Variants in NFAM1 observed in about 807,000 individuals in gnomAD.
NFAM1 encodes NFAT activation molecule 1.
A neutral mutation model predicts 29.0 loss-of-function variants in NFAM1; 17 were observed. The ratio of observed to expected loss-of-function variants is 0.59; its 90% CI spans 0.40 to 0.88. The LOEUF (loss-of-function observed/expected upper bound fraction) is 0.88, where lower values mean the gene tolerates loss of function less well. NFAM1 is among the 40% of genes least tolerant of loss of function. The probability of loss-of-function intolerance (pLI) is 0.00; values close to 1 mark genes in which losing one functional copy is unlikely to be tolerated. For missense variants in NFAM1, 324 were observed against 344.6 expected, an observed-to-expected ratio of 0.94 and a Z score of 0.47; for synonymous variants, 175 against 147.2, an observed-to-expected ratio of 1.19 and a Z score of -1.36.
intron 1 of NFAM1, among the ~76,000 whole-genome samples, chr22:42,427,300 G>T (rs911709680): frequency 2.0e-5 from 3 of 152,092 alleles, no homozygotes; most frequent in African/African-American, 4.8e-5. Context: ...TACACAGGGG[G>T]TCTCATTACC....
intron 1 of NFAM1, among the ~76,000 whole-genome samples, chr22:42,421,786 T>C (rs28405495): frequency 0.033 from 5,053 of 152,342 alleles, 97 homozygotes; most frequent in South Asian, 0.048. Context: ...CCACAGTCTT[T>C]ATTTTAGGCA....
chr22:42,390,185 G>A (rs1052442364), intron 4 of NFAM1, among the ~76,000 whole-genome samples: 1 of 152,114 alleles, frequency 6.6e-6, no homozygotes, highest in Admixed American at 6.5e-5. Context: ...GCTGCTGAAT[G>A]AGGACGCAGA....
intron 1 of NFAM1, among the ~76,000 whole-genome samples, chr22:42,418,849 C>T (rs1304326714): frequency 2.0e-5 from 3 of 152,280 alleles, no homozygotes; most frequent in Admixed American, 2.0e-4. Flanking sequence ...CTGTCCCGGG[C>T]GCTGGCCTGG....
At chr22:42,395,520 A>AT (rs1274003281) in intron 4 of NFAM1, among the ~76,000 whole-genome samples, 1 of 151,342 alleles carries the variant, frequency 6.6e-6, no homozygotes, top group African/African-American at 2.4e-5. Context: ...ATAAAATAAA[A>AT]TAATGAGGAT....
intron 4 of NFAM1, among the ~76,000 whole-genome samples, chr22:42,387,408 C>T (rs1245357306): frequency 6.6e-6 from 1 of 152,010 alleles, no homozygotes; most frequent in Non-Finnish European, 1.5e-5. Context: ...GCTGTCCCTG[C>T]CTGTCCCTAG....
chr22:42,405,357 G>C (rs1000398035), intron 3 of NFAM1, among the ~76,000 whole-genome samples: 4 of 152,298 alleles, frequency 2.6e-5, no homozygotes, highest in Non-Finnish European at 4.4e-5. Flanking sequence ...GTCCGCAGGC[G>C]GGGGGAGTCC....
intron 4 of NFAM1, among the ~76,000 whole-genome samples, chr22:42,396,735 G>T (rs746555805): frequency 1.3e-5 from 2 of 152,168 alleles, no homozygotes; most frequent in Non-Finnish European, 2.9e-5. Flanking sequence ...CATTCCACTT[G>T]GAACTGTTGG....
In NFAM1 at chr22:42,422,852, C is replaced by T. The variant is rs946572179; in HGVS notation, c.121+9385G>A. ...GGAACAGGCTGGGCGTGGTGGCTCA[C>T]GCCTGTAATCCTAGCACTTTGGGAG... On this transcript the variant is annotated intron_variant, in intron 1 of 5. Coordinates refer to ENST00000329021, the MANE Select transcript of NFAM1 (RefSeq NM_145912.8). Among the ~76,000 whole-genome samples, 5 of 152,030 alleles carry T rather than the reference C, an allele frequency of 3.3e-5. No individual in the cohort carries two copies. The South Asian group carries it at 1.0e-3, about 32-fold the overall frequency.
chr22:42,432,484 A>AAGCTGGAACAGCCC, upstream of NFAM1: 1 of 1,358,654 alleles, frequency 7.4e-7, no homozygotes, highest in South Asian at 1.5e-5. Context: ...CTCAGAAGCA[A>AAGCTGGAACAGCCC]AGCTGGAACA....
intron 3 of NFAM1, among the ~76,000 whole-genome samples, chr22:42,407,081 CT>C (rs1177618694): frequency 0.023 from 2,677 of 118,868 alleles, 58 homozygotes; most frequent in African/African-American, 0.068. Context: ...GGACCTTCCT[CT>C]TTTTTTTTTT....
At chr22:42,390,933 A>G (rs1473013312) in intron 4 of NFAM1, among the ~76,000 whole-genome samples, 1 of 151,856 alleles carries the variant, frequency 6.6e-6, no homozygotes, top group Non-Finnish European at 1.5e-5. Flanking sequence ...CCTTGGTGAG[A>G]GGGGAACCTC....
Position 42,388,195 on chromosome 22 carries a change from C to T in NFAM1, c.664-1117G>A, listed in dbSNP as rs5996149. Among the ~76,000 whole-genome samples, 8,985 of 140,194 alleles carry T rather than the reference C, an allele frequency of 0.064. 297 individuals carry two copies. Among genetic ancestry groups the T allele is most frequent in the African/African-American group, 0.12 (4,301 of 36,780 alleles). The allele number at this position is 140,194 out of a possible 152,430, so 92.0% of individuals were successfully genotyped here. A position where few individuals can be genotyped will look rare whatever the true frequency, so the allele number is the denominator to read the frequency against. On this transcript the variant is annotated intron_variant, in intron 4 of 5. Coordinates refer to ENST00000329021, the MANE Select transcript of NFAM1 (RefSeq NM_145912.8). The surrounding 1 kb of genome is among the most constrained non-coding windows in gnomAD (Gnocchi z 4.1). The stretch of plus-strand genomic sequence containing the variant: ...CTTTAAAGTCAGACAAGAGTAGGTT[C>T]GAATCTCGGCTCTGACTGCGCCAGC...
rs1470611582 is a variant in NFAM1, at chr22:42,432,241, C to G, written c.117G>C (p.Leu39=). 2 of 1,572,424 alleles carry G rather than the reference C, an allele frequency of 1.3e-6. No homozygotes were observed. Among genetic ancestry groups the G allele is most frequent in the East Asian group, 2.3e-5 (1 of 42,864 alleles). The change falls in exon 1 of 6, where the codon CTG becomes CTC. Residue 39 remains leucine, a synonymous_variant. Transcript: ENST00000329021. Reference sequence around the variant, plus strand: ...AAGGAGGAAGACAGACACTACCTGCCAGTCGCAGGGTCCCGGGCAGCAGCA... The same window carrying G: ...AAGGAGGAAGACAGACACTACCTGCGAGTCGCAGGGTCCCGGGCAGCAGCA... The part of the protein sequence containing the change: ...GVLLLPGTLR[L]AGGQSVTHTG...
intron 2 of NFAM1, chr22:42,410,530 A>T (rs1024383937): frequency 3.0e-6 from 1 of 328,550 alleles, no homozygotes; most frequent in Admixed American, 3.6e-5. Context: ...GTGGTGGTGG[A>T]CATCTGTAAT....
intron 4 of NFAM1, among the ~76,000 whole-genome samples, chr22:42,390,819 A>AAAAT (rs1929312723): frequency 6.8e-6 from 1 of 148,144 alleles, no homozygotes; most frequent in African/African-American, 2.5e-5. Context: ...TCCGTCTCAA[A>AAAAT]AAAAAAAAAA....
upstream of NFAM1, chr22:42,432,413 G>A (rs1375697965): frequency 1.0e-5 from 15 of 1,480,358 alleles, no homozygotes; most frequent in South Asian, 8.4e-5. Flanking sequence ...GACGGCCGGC[G>A]CTGACAGCTT....
chr22:42,392,856 G>A (rs1929390358), intron 4 of NFAM1, among the ~76,000 whole-genome samples: 1 of 152,010 alleles, frequency 6.6e-6, no homozygotes, highest in East Asian at 1.9e-4. Context: ...CTGGAGTGCA[G>A]TGGCATAATC....
At chr22:42,415,594 C>T (rs887524213) in intron 1 of NFAM1, among the ~76,000 whole-genome samples, 2 of 152,096 alleles carry the variant, frequency 1.3e-5, no homozygotes, top group African/African-American at 4.8e-5. Flanking sequence ...CCACCGCGCC[C>T]GGCCTGCACC....
At chr22:42,435,531 G>A (rs1930918392), upstream of NFAM1, among the ~76,000 whole-genome samples, 1 of 151,776 alleles carries the variant, frequency 6.6e-6, no homozygotes, top group African/African-American at 2.4e-5. Flanking sequence ...ATTTTTAGTA[G>A]AGATGGCATT....
Sources: gnomAD v4.1 joint callset for allele counts (sites outside exome capture counted in the v4.1 genomes callset) on GRCh38, gnomAD v4.1.1 for gene constraint, Gnocchi (gnomAD v3.1) non-coding constraint, MANE v1.5 for transcripts, NCBI Gene and HGNC (gene_info 2026-07-23, HGNC 2026-07-21) for gene names.